The following MAP3K13 variants were observed in gnomAD, a reference collection of about 807,000 sequenced individuals.
The protein encoded by MAP3K13 is leucine zipper-bearing kinase.
In MAP3K13, 52 loss-of-function variants were observed where a neutral mutation model predicts 104.0. The ratio of observed to expected loss-of-function variants is 0.50; its 90% CI spans 0.40 to 0.63. MAP3K13 has a LOEUF of 0.63. Ranked by LOEUF, MAP3K13 falls within the 20% of genes least tolerant of loss-of-function variation. The pLI is 0.00. For missense variants in MAP3K13, 914 were observed against 1,218.5 expected (o/e 0.75, Z 3.72); for synonymous variants, 394 against 442.2 (o/e 0.89, Z 1.37).
chr3:185,293,738 C>T (rs1358550908), intron 2 of MAP3K13, among the ~76,000 whole-genome samples: 1 of 152,168 alleles, frequency 6.6e-6, no homozygotes, highest in Non-Finnish European at 1.5e-5. Flanking sequence ...AGTTGCTGTT[C>T]TTGGAGTACC....
intron 2 of MAP3K13, among the ~76,000 whole-genome samples, chr3:185,308,041 C>CTTTTTTTT (rs1455146477): frequency 9.9e-6 from 1 of 101,050 alleles, no homozygotes; most frequent in African/African-American, 4.0e-5. Context: ...TTGAGACTTA[C>CTTTTTTTT]TTTGTTCCCT....
rs146998449 is a variant in MAP3K13 at position 185,285,277 on chromosome 3, A to G, written c.-204-248A>G. 1.7e-3 allele frequency: 332 copies of G among 194,666 alleles called. 2 individuals are homozygous for G. The highest frequency in any genetic ancestry group is 7.0e-3 in the African/African-American group (303 of 43,442). The allele number at this position is 194,666 out of a possible 1,614,324, so 12.1% of individuals were successfully genotyped here. ...GTGGTGCCACCCTTAGAATACATAA[A>G]ATTATGGTACAAAGTCATGTTTTGA... On this transcript the variant is annotated intron_variant, in intron 1 of 14. Transcript: ENST00000424227.
In MAP3K13 at chr3:185,428,641, A is replaced by G. The variant is rs759623158; in HGVS notation, c.60A>G (p.Glu20=). ...CTTCTCCACACTTACCCTTCAGTGA[A>G]AGCAAAACCTTCAATGGACTACAAG... The part of the protein sequence containing the change: ...CSSSPHLPFS[E]SKTFNGLQDE... Residue 20 remains glutamate, a synonymous_variant, in exon 2 of 14, where the codon GAA becomes GAG. Transcript: ENST00000265026. The G allele has an allele frequency of 1.9e-6, 3 of 1,613,612 alleles. No homozygotes were observed. The African/African-American group carries it at 4.0e-5, about 22-fold the overall frequency.
rs1002582006 is a variant in MAP3K13 at position 185,482,644 on chromosome 3, C to T, written c.*188C>T. 5 of 533,930 alleles carry T rather than the reference C, an allele frequency of 9.4e-6. No individual in the cohort carries two copies. Among genetic ancestry groups the T allele is most frequent in the South Asian group, 5.2e-5 (2 of 38,536 alleles). The allele number at this position is 533,930 out of a possible 1,614,324, so 33.1% of individuals were successfully genotyped here. A position where few individuals can be genotyped will look rare whatever the true frequency, so the allele number is the denominator to read the frequency against. ...TTCGCAAATCTCTGGAAAATAATAT[C>T]CAAATGAAATTAAGTCTCACTGAAC... On this transcript the variant is annotated 3_prime_UTR_variant, in exon 14 of 14. Transcript: ENST00000265026. The surrounding 1 kb of genome is among the most constrained non-coding windows in gnomAD (Gnocchi z 4.5).
At chr3:185,340,671 C>T (rs974936402) in intron 2 of MAP3K13, among the ~76,000 whole-genome samples, 55 of 152,000 alleles carry the variant, frequency 3.6e-4, no homozygotes, top group Admixed American at 1.4e-3. Flanking sequence ...GTGTCAAGGG[C>T]GGGACCAGGT....
intron 2 of MAP3K13, chr3:185,291,823 T>A: frequency 7.7e-7 from 1 of 1,298,946 alleles, no homozygotes; most frequent in Non-Finnish European, 9.7e-7. Flanking sequence ...TCCTCTGACT[T>A]CTCTTCAATT....
intron 1 of MAP3K13, among the ~76,000 whole-genome samples, chr3:185,379,992 C>T (rs1264860460): frequency 6.6e-6 from 1 of 152,160 alleles, no homozygotes; most frequent in Non-Finnish European, 1.5e-5. Flanking sequence ...TCAATACCAG[C>T]CTGGCCAACA....
At chr3:185,414,740 T>C (rs1713647389) in intron 1 of MAP3K13, among the ~76,000 whole-genome samples, 1 of 152,166 alleles carries the variant, frequency 6.6e-6, no homozygotes, top group Non-Finnish European at 1.5e-5. Context: ...TATTTGATTT[T>C]AATGTATAGT....
In MAP3K13 at chr3:185,460,490, C is replaced by T. The variant is rs536828086; in HGVS notation, c.1279-3060C>T. ...TGTCACAGGTCAGGCTCATGCAGGA[C>T]TCCTCCCACCCTTAGCCTTCTCTCT... On this transcript the variant is annotated intron_variant, in intron 7 of 13. Coordinates refer to ENST00000265026, the MANE Select transcript of MAP3K13 (RefSeq NM_004721.5). 1.9e-4 allele frequency among the ~76,000 whole-genome samples: 29 copies of T among 152,306 alleles called. No homozygotes were observed. The South Asian group carries it at 4.4e-3, about 23-fold the overall frequency.
chr3:185,321,688 C>G (rs1002645970), intron 2 of MAP3K13, among the ~76,000 whole-genome samples: 1 of 152,224 alleles, frequency 6.6e-6, no homozygotes, highest in Non-Finnish European at 1.5e-5. Flanking sequence ...ACTGTAACCT[C>G]TGCCTCCTGG....
At chr3:185,376,314 T>C (rs1176178043) in intron 1 of MAP3K13, among the ~76,000 whole-genome samples, 3 of 151,728 alleles carry the variant, frequency 2.0e-5, no homozygotes, top group East Asian at 3.9e-4. Context: ...AGGAAGAAAA[T>C]AGATTTTGGA....
chr3:185,418,536 A>G lies in MAP3K13; in HGVS notation c.-85-9961A>G. On this transcript the variant is annotated intron_variant, in intron 1 of 13. Coordinates refer to ENST00000265026, the MANE Select transcript of MAP3K13 (RefSeq NM_004721.5). This position sits in a 1 kb window ranked among gnomAD's most constrained non-coding sequence, Gnocchi z 4.5. ...CCTGGCCAGAGCGGTGAGTCCCACC[A>G]CCTCGAACTCTGGGAATTCGAGCCA... 3 of 1,611,948 alleles carry G rather than the reference A, an allele frequency of 1.9e-6. No individual in the cohort carries two copies. Among genetic ancestry groups the G allele is most frequent in the South Asian group, 1.1e-5 (1 of 90,982 alleles).
intron 2 of MAP3K13, among the ~76,000 whole-genome samples, chr3:185,306,819 C>T (rs550075984): frequency 2.6e-5 from 4 of 152,196 alleles, no homozygotes; most frequent in African/African-American, 7.2e-5. Flanking sequence ...GTTTTTGTTG[C>T]AATTGGTTTT....
intron 1 of MAP3K13, among the ~76,000 whole-genome samples, chr3:185,412,130 G>A (rs1713489362): frequency 6.6e-6 from 1 of 151,904 alleles, no homozygotes; most frequent in South Asian, 2.1e-4. Flanking sequence ...CCTTTGTATT[G>A]AGGGACTACA....
At chr3:185,399,645 A>G (rs1263373507) in intron 1 of MAP3K13, among the ~76,000 whole-genome samples, 108 of 422 alleles carry the variant, frequency 0.26, 1 homozygote, top group Non-Finnish European at 0.32. Flanking sequence ...GGGGGGAGGG[A>G]GGGAGGAAAA....
At chr3:185,354,280 G>A (rs1250800664) in intron 2 of MAP3K13, among the ~76,000 whole-genome samples, 2 of 151,154 alleles carry the variant, frequency 1.3e-5, no homozygotes, top group Non-Finnish European at 3.0e-5. Flanking sequence ...ACCTCTCTGT[G>A]TCAACAGAGG....
intron 1 of MAP3K13, among the ~76,000 whole-genome samples, chr3:185,400,217 C>G (rs1423523141): frequency 3.9e-5 from 6 of 152,284 alleles, no homozygotes; most frequent in Admixed American, 2.6e-4. Context: ...TGCGTCTCCC[C>G]AAACAACCAC....
At chr3:185,427,296 G>A (rs1191580241) in intron 1 of MAP3K13, among the ~76,000 whole-genome samples, 2 of 150,542 alleles carry the variant, frequency 1.3e-5, no homozygotes, top group Non-Finnish European at 3.0e-5. Flanking sequence ...CCTGGGAGGC[G>A]GAGGTTGCAG....
At position 185,376,385 on chromosome 3, in the gene MAP3K13, G is replaced by A. The variant is rs1351534748; in HGVS notation, c.-86+13017G>A. Among the ~76,000 whole-genome samples, 6 of 152,314 alleles carry A rather than the reference G, an allele frequency of 3.9e-5. No homozygotes were observed. The East Asian group carries it at 9.6e-4, about 24-fold the overall frequency. ...TTTGTGATTTTGAGGGCCTCTAAAA[G>A]TATTAAGGCAGCGGCAGCCACTGCA... On this transcript the variant is annotated intron_variant, in intron 1 of 13. Coordinates refer to ENST00000265026, the MANE Select transcript of MAP3K13 (RefSeq NM_004721.5).
Sources: allele counts gnomAD v4.1 joint callset (sites outside exome capture counted in the v4.1 genomes callset), GRCh38; gene constraint gnomAD v4.1.1; non-coding constraint Gnocchi (gnomAD v3.1); transcripts MANE v1.5; gene names NCBI Gene and HGNC (gene_info 2026-07-23, HGNC 2026-07-21).